The following ACO1 variants were observed in gnomAD, a reference collection of about 807,000 sequenced individuals.
ACO1 encodes cytoplasmic aconitate hydratase.
In ACO1, 78 loss-of-function variants were observed where a neutral mutation model predicts 105.1. The observed-to-expected ratio is 0.74, with a 90% CI of 0.62 to 0.90. The LOEUF (loss-of-function observed/expected upper bound fraction) is 0.90. Ranked by LOEUF, ACO1 falls within the 40% of genes least tolerant of loss-of-function variation. The pLI, the probability that ACO1 is intolerant of heterozygous loss-of-function variation, is 0.00. For synonymous variants in ACO1, 364 were observed against 397.4 expected (o/e 0.92, Z 1.00); for missense variants, 965 against 1,111.1 (o/e 0.87, Z 1.87).
At chr9:32,447,362 A>G (rs900111347) in intron 19 of ACO1, among the ~76,000 whole-genome samples, 1 of 152,062 alleles carries the variant, frequency 6.6e-6, no homozygotes. Flanking sequence ...CAATTCAGCT[A>G]TTGATACTTG....
chr9:32,432,881 G>A (rs1822270722), intron 15 of ACO1, among the ~76,000 whole-genome samples: 1 of 152,156 alleles, frequency 6.6e-6, no homozygotes, highest in Admixed American at 6.5e-5. Flanking sequence ...GATGTCATCT[G>A]GGGCTGCAGT....
intron 8 of ACO1, among the ~76,000 whole-genome samples, chr9:32,422,992 A>C (rs1042064236): frequency 7.9e-5 from 12 of 152,228 alleles, no homozygotes; most frequent in African/African-American, 2.9e-4. Context: ...GTGTGCTTTC[A>C]CAATTAGCTC....
intron 15 of ACO1, among the ~76,000 whole-genome samples, chr9:32,433,057 C>T (rs1363820370): frequency 2.0e-5 from 3 of 152,158 alleles, no homozygotes; most frequent in Non-Finnish European, 2.9e-5. Flanking sequence ...TGGTAGCTGG[C>T]TTCCATCAGA....
chr9:32,431,994 C>T (rs1220305099), intron 15 of ACO1, 151 bp downstream of exon 15: 1 of 957,630 alleles, frequency 1.0e-6, no homozygotes, highest in Non-Finnish European at 1.5e-6. Flanking sequence ...GGTTCTCCGT[C>T]ATTTTTCTCC....
At chr9:32,442,995 A>T (rs1368094260) in intron 19 of ACO1, among the ~76,000 whole-genome samples, 1 of 152,204 alleles carries the variant, frequency 6.6e-6, no homozygotes, top group African/African-American at 2.4e-5. Flanking sequence ...ATTTTATGTA[A>T]AATATTAATA....
chr9:32,426,095 T>C lies in ACO1; in HGVS notation c.1348+98T>C, dbSNP rs143851438. On this transcript the variant is annotated intron_variant, in intron 11 of 20. Coordinates refer to ENST00000309951, the MANE Select transcript of ACO1 (RefSeq NM_002197.3). ...GCCTTGGCGGAGTTGTACATGTAGT[T>C]CCCTGAACCTCGTCTTTTCCAGATA... 3,473 of 1,216,496 alleles carry C rather than the reference T, an allele frequency of 2.9e-3. 32 individuals are homozygous for C. The highest frequency in any genetic ancestry group is 0.019 in the South Asian group (1,253 of 64,606). The allele number at this position is 1,216,496 out of a possible 1,614,324, so 75.4% of individuals were successfully genotyped here.
Position 32,452,834 on chromosome 9 carries a change from T to G in ACO1, c.*2723T>G, listed in dbSNP as rs979298236. 6.6e-6 allele frequency: 1 copy of G among 151,898 alleles called. No individual in the cohort carries two copies. The highest frequency in any genetic ancestry group is 6.6e-5 in the Admixed American group (1 of 15,230). 9.4% of individuals were successfully genotyped at this position (151,898 alleles called of 1,614,324 possible). Reference sequence around the variant, plus strand: ...ATAAATAAAATAAATCAGCCAGGTGTGCACCTGTGGTCCCAGCTGTTCAGG... The same window carrying G: ...ATAAATAAAATAAATCAGCCAGGTGGGCACCTGTGGTCCCAGCTGTTCAGG... On this transcript the variant is annotated 3_prime_UTR_variant, in exon 21 of 21. Transcript: ENST00000309951.
chr9:32,424,125 G>C (rs1822034910), intron 9 of ACO1, among the ~76,000 whole-genome samples: 2 of 152,180 alleles, frequency 1.3e-5, no homozygotes, highest in Admixed American at 6.5e-5. Context: ...CCCGTTTCCT[G>C]GTGTTGATAA....
At position 32,432,650 on chromosome 9, in the gene ACO1, G is replaced by A. The variant is rs188657475; in HGVS notation, c.1851+807G>A. 1.5e-3 allele frequency among the ~76,000 whole-genome samples: 222 copies of A among 152,248 alleles called. 1 individual carries two copies. Among genetic ancestry groups the A allele is most frequent in the Admixed American group, 0.013 (193 of 15,286 alleles). On this transcript the variant is annotated intron_variant, in intron 15 of 20. Coordinates refer to ENST00000309951, the MANE Select transcript of ACO1 (RefSeq NM_002197.3). ...TTGCTACCCAGTGTTTGTGTGACCT[G>A]GAAGGCCACTTCCCAAAACACTCAG...
At chr9:32,442,752 C>A (rs938647570) in intron 19 of ACO1, among the ~76,000 whole-genome samples, 1 of 152,076 alleles carries the variant, frequency 6.6e-6, no homozygotes, top group African/African-American at 2.4e-5. Context: ...ATGTGGATTC[C>A]AGATACAATG....
rs1563952690 is a variant in ACO1 at position 32,450,916 on chromosome 9, T to C, written c.*805T>C. The C allele has an allele frequency of 1.3e-5, 2 of 152,176 alleles. No homozygotes were observed. The highest frequency in any genetic ancestry group is 2.1e-4 in the South Asian group (1 of 4,832). 9.4% of individuals were successfully genotyped at this position (152,176 alleles called of 1,614,324 possible). A position where few individuals can be genotyped will look rare whatever the true frequency, so the allele number is the denominator to read the frequency against. On this transcript the variant is annotated 3_prime_UTR_variant, in exon 21 of 21. Transcript: ENST00000309951. ...ACAGAGTGAATCTCACACCATATCA[T>C]TGGGAAGCCTGAATAACCTTCATAT...
chr9:32,427,494 C>G (rs540205022), intron 12 of ACO1, 58 bp downstream of exon 12: 2 of 1,602,516 alleles, frequency 1.2e-6, no homozygotes, highest in African/African-American at 2.7e-5. Flanking sequence ...CCTCATGTAT[C>G]TTGCTGTGTC....
intron 4 of ACO1, among the ~76,000 whole-genome samples, chr9:32,410,222 A>C (rs1311327403): frequency 6.6e-6 from 1 of 152,212 alleles, no homozygotes; most frequent in East Asian, 1.9e-4. Context: ...AAATAGTAGA[A>C]TCTAAGAGAA....
At chr9:32,421,786 G>A (rs1821981783) in intron 8 of ACO1, among the ~76,000 whole-genome samples, 1 of 152,152 alleles carries the variant, frequency 6.6e-6, no homozygotes, top group Admixed American at 6.5e-5. Context: ...AGAGTGTGAT[G>A]TGATAATGAG....
intron 13 of ACO1, 73 bp downstream of exon 13, chr9:32,429,576 T>G: frequency 7.5e-7 from 1 of 1,333,858 alleles, no homozygotes; most frequent in South Asian, 1.2e-5. Context: ...AATGCTGATA[T>G]TTTCAAGAAG....
In ACO1 at chr9:32,439,421, CTGTT is replaced by C. The variant is rs1187342001; in HGVS notation, c.2248-1041_2248-1038del. Reference sequence around the variant, plus strand: ...CACCAAAATACAAATTTGTGAAAGTCTGTTTGAGAGTTTTCTTTAGCTCCTGTCT... The same window carrying C: ...CACCAAAATACAAATTTGTGAAAGTCTGAGAGTTTTCTTTAGCTCCTGTCT... On this transcript the variant is annotated intron_variant, in intron 18 of 20. Transcript: ENST00000309951. The surrounding 1 kb of genome is among the most constrained non-coding windows in gnomAD (Gnocchi z 4.0). Among the ~76,000 whole-genome samples the C allele has an allele frequency of 4.6e-5, 7 of 152,160 alleles. No homozygotes were observed. The East Asian group carries it at 1.2e-3, about 25-fold the overall frequency.
intron 4 of ACO1, among the ~76,000 whole-genome samples, chr9:32,414,565 G>T (rs1046405025): frequency 6.6e-6 from 1 of 152,174 alleles, no homozygotes; most frequent in Non-Finnish European, 1.5e-5. Flanking sequence ...CTATGAACAT[G>T]TCACTTCCAT....
At chr9:32,436,892 A>C (rs1822373365) in intron 18 of ACO1, among the ~76,000 whole-genome samples, 1 of 152,132 alleles carries the variant, frequency 6.6e-6, no homozygotes, top group African/African-American at 2.4e-5. Flanking sequence ...CCTTAAAGTT[A>C]TTTCCATCTC....
In ACO1 at chr9:32,384,704, C is replaced by A; in HGVS notation, c.-54C>A. On this transcript the variant is annotated 5_prime_UTR_variant, in exon 1 of 21. Transcript: ENST00000309951. Reference sequence around the variant, plus strand: ...CGTCCCGCTGCTTGGGTCAGGTTCGCCGGTCGCGGGAGCCCCGCCGTGCAG... The same window carrying A: ...CGTCCCGCTGCTTGGGTCAGGTTCGACGGTCGCGGGAGCCCCGCCGTGCAG... 2.4e-6 allele frequency: 1 copy of A among 414,206 alleles called. No homozygotes were observed. The allele number at this position is 414,206 out of a possible 1,614,324, so 25.7% of individuals were successfully genotyped here. A position where few individuals can be genotyped will look rare whatever the true frequency, so the allele number is the denominator to read the frequency against.
Sources: gnomAD v4.1 joint callset for allele counts (sites outside exome capture counted in the v4.1 genomes callset) on GRCh38, gnomAD v4.1.1 for gene constraint, Gnocchi (gnomAD v3.1) non-coding constraint, MANE v1.5 for transcripts, NCBI Gene and HGNC (gene_info 2026-07-23, HGNC 2026-07-21) for gene names.